Variants in SLC38A6 observed in about 807,000 individuals in gnomAD.
SLC38A6 encodes solute carrier family 38 member 6, also known as N system amino acid transporter NAT-1.
In SLC38A6, 73 loss-of-function variants were observed where a neutral mutation model predicts 65.0. The observed-to-expected ratio is 1.12, with a 90% CI of 0.93 to 1.37. The LOEUF is 1.37. Ranked by LOEUF, SLC38A6 falls within the 40% of genes most tolerant of loss-of-function variation. The probability of loss-of-function intolerance (pLI) is 0.00; values close to 1 mark genes in which losing one functional copy is unlikely to be tolerated. For synonymous variants in SLC38A6, 183 were observed against 178.8 expected (o/e 1.02, Z -0.19); for missense variants, 561 against 531.1 (o/e 1.06, Z -0.55).
intron 12 of SLC38A6, 26 bp downstream of exon 12, chr14:61,046,193 G>A (rs1008041243): frequency 1.4e-6 from 2 of 1,433,806 alleles, no homozygotes; most frequent in Admixed American, 3.5e-5. Flanking sequence ...AATTATAGAT[G>A]ACAAAATAAT....
intron 3 of SLC38A6, chr14:60,986,990 T>C: frequency 2.6e-6 from 1 of 381,308 alleles, no homozygotes; most frequent in Non-Finnish European, 5.0e-6. Context: ...TCTGTAACTC[T>C]GGGGCGTATG....
At chr14:61,025,317 A>G (rs1362839611) in intron 5 of SLC38A6, among the ~76,000 whole-genome samples, 1 of 152,170 alleles carries the variant, frequency 6.6e-6, no homozygotes, top group Non-Finnish European at 1.5e-5. Context: ...CATGCATTTT[A>G]TTTATTTACT....
chr14:61,005,494 C>A (rs1356176003), intron 3 of SLC38A6, among the ~76,000 whole-genome samples: 1 of 150,654 alleles, frequency 6.6e-6, no homozygotes, highest in Non-Finnish European at 1.5e-5. Flanking sequence ...TCTCAGGATA[C>A]AAAATCAATG....
intron 15 of SLC38A6, among the ~76,000 whole-genome samples, chr14:61,071,934 G>A (rs1235436209): frequency 6.6e-6 from 1 of 152,170 alleles, no homozygotes; most frequent in East Asian, 1.9e-4. Flanking sequence ...TGGCGTTTCT[G>A]ATGAGTCCCA....
chr14:61,037,267 G>A, intron 7 of SLC38A6, 126 bp downstream of exon 7: 1 of 682,362 alleles, frequency 1.5e-6, no homozygotes, highest in South Asian at 2.0e-5. Flanking sequence ...GATGGTGGTT[G>A]TGTATAATTT....
chr14:61,039,259 A>G (rs975681726), intron 8 of SLC38A6, among the ~76,000 whole-genome samples: 1 of 152,226 alleles, frequency 6.6e-6, no homozygotes, highest in African/African-American at 2.4e-5. Flanking sequence ...CTTATAAACC[A>G]TCTGCTCAGA....
At chr14:61,019,818 A>G (rs749980650) in intron 5 of SLC38A6, among the ~76,000 whole-genome samples, 5 of 152,088 alleles carry the variant, frequency 3.3e-5, no homozygotes, top group Non-Finnish European at 7.4e-5. Context: ...TAGGTCTGCA[A>G]CACACCTCTA....
chr14:61,030,409 A>G (rs762623038), intron 5 of SLC38A6, 36 bp from the exon 6 acceptor site: 2 of 1,472,680 alleles, frequency 1.4e-6, no homozygotes, highest in Admixed American at 1.9e-5. Flanking sequence ...TAAGAATCAT[A>G]GAATTCTAAT....
At chr14:61,067,327 G>A (rs539156375) in intron 15 of SLC38A6, among the ~76,000 whole-genome samples, 2 of 152,032 alleles carry the variant, frequency 1.3e-5, no homozygotes, top group South Asian at 2.1e-4. Flanking sequence ...TTGAATATAC[G>A]TACACTTTTA....
chr14:61,075,054 G>T (rs1300628281), intron 15 of SLC38A6, among the ~76,000 whole-genome samples: 1 of 152,158 alleles, frequency 6.6e-6, no homozygotes, highest in East Asian at 1.9e-4. Context: ...GGAAGTGAGA[G>T]AGATAGCTAA....
intron 5 of SLC38A6, among the ~76,000 whole-genome samples, chr14:61,027,982 C>T (rs1001629094): frequency 2.0e-5 from 3 of 151,630 alleles, no homozygotes; most frequent in Non-Finnish European, 4.4e-5. Context: ...GAGAGAAACA[C>T]GTTTGGTGAG....
chr14:61,010,487 G>A (rs993056046), intron 3 of SLC38A6, among the ~76,000 whole-genome samples: 9 of 152,160 alleles, frequency 5.9e-5, no homozygotes, highest in South Asian at 4.1e-4. Context: ...TATTGCCTAG[G>A]TTTTCTTCTA....
chr14:60,989,569 A>T (rs1476628206), intron 3 of SLC38A6, among the ~76,000 whole-genome samples: 1 of 152,074 alleles, frequency 6.6e-6, no homozygotes, highest in Non-Finnish European at 1.5e-5. Flanking sequence ...ACAAAAAAAA[A>T]TACAAAAATT....
intron 5 of SLC38A6, among the ~76,000 whole-genome samples, chr14:61,028,337 T>G (rs2040727250): frequency 6.6e-6 from 1 of 152,164 alleles, no homozygotes; most frequent in South Asian, 2.1e-4. Context: ...AAGTCTGCTT[T>G]CCTTGTTTTC....
chr14:61,038,126 G>T (rs745385634), intron 8 of SLC38A6, among the ~76,000 whole-genome samples: 37 of 152,010 alleles, frequency 2.4e-4, no homozygotes, highest in Non-Finnish European at 4.9e-4. Context: ...TAAGAACTGG[G>T]TTGACTGAAT....
intron 2 of SLC38A6, 103 bp downstream of exon 2, chr14:60,982,741 T>C (rs968627045): frequency 1.6e-5 from 21 of 1,300,048 alleles, no homozygotes; most frequent in Non-Finnish European, 8.4e-6. Context: ...AATTTCTAGT[T>C]AGTTATTTCT....
intron 3 of SLC38A6, among the ~76,000 whole-genome samples, chr14:61,008,144 A>G (rs766795186): frequency 2.0e-5 from 3 of 152,180 alleles, no homozygotes; most frequent in Non-Finnish European, 4.4e-5. Flanking sequence ...TCAAAGCTAA[A>G]TTGCCCTTGT....
intron 12 of SLC38A6, among the ~76,000 whole-genome samples, chr14:61,049,659 G>A (rs2139849876): frequency 6.6e-6 from 1 of 152,210 alleles, no homozygotes; most frequent in African/African-American, 2.4e-5. Context: ...TCTTCTTAAA[G>A]TTCCCTGAGA....
At chr14:61,053,496 C>T (rs888488808), downstream of SLC38A6, among the ~76,000 whole-genome samples, 2 of 152,134 alleles carry the variant, frequency 1.3e-5, no homozygotes, top group African/African-American at 4.8e-5. Flanking sequence ...CTAATTTACA[C>T]TCCCACCAAA....
Sources: gnomAD v4.1 joint callset for allele counts (sites outside exome capture counted in the v4.1 genomes callset) on GRCh38, gnomAD v4.1.1 for gene constraint, MANE v1.5 for transcripts, NCBI Gene and HGNC (gene_info 2026-07-23, HGNC 2026-07-21) for gene names.